The following USP34 variants were observed in gnomAD, a reference collection of about 807,000 sequenced individuals.
USP34 encodes ubiquitin carboxyl-terminal hydrolase 34.
A neutral mutation model predicts 460.3 loss-of-function variants in USP34; 70 were observed. The ratio of observed to expected loss-of-function variants is 0.15; its 90% CI spans 0.13 to 0.19. USP34 has a LOEUF of 0.19. Among genes scored for constraint, USP34 ranks in the 10% least tolerant of loss-of-function variants. The pLI, the probability that USP34 is intolerant of heterozygous loss-of-function variation, is 1.00. For missense variants in USP34, 3,985 were observed against 4,236.2 expected (o/e 0.94, Z 1.65); for synonymous variants, 1,647 against 1,405.3 (o/e 1.17, Z -3.85).
At chr2:61,194,425 GGGT>G (rs1396087689) in intron 75 of USP34, among the ~76,000 whole-genome samples, 2 of 152,204 alleles carry the variant, frequency 1.3e-5, no homozygotes, top group Non-Finnish European at 2.9e-5. Context: ...AGTAGAGGAA[GGGT>G]TAGCAAACTA....
In USP34 at chr2:61,283,446, A is replaced by C; in HGVS notation, c.4836T>G (p.Val1612=). Residue 1612 remains valine, a synonymous_variant, in exon 36 of 80, where the codon GTT becomes GTG. Transcript: ENST00000398571. The part of the protein sequence containing the change: ...AYTYDNLAPR[V]LKAQSDHRSR... ...ACCTGTGATCAGACTGAGCTTTTAA[A>C]ACTCTGTAAAGTAAAAACACCACCA... 1 of 1,605,656 alleles carries C rather than the reference A, an allele frequency of 6.2e-7. No individual in the cohort carries two copies. The highest frequency in any genetic ancestry group is 8.5e-7 in the Non-Finnish European group (1 of 1,177,078).
At chr2:61,392,399 G>A (rs996605110) in intron 5 of USP34, among the ~76,000 whole-genome samples, 8 of 152,100 alleles carry the variant, frequency 5.3e-5, no homozygotes, top group African/African-American at 1.2e-4. Context: ...CGAGGTGGGC[G>A]GATCACAGGA....
chr2:61,420,501 T>C (rs535700258), intron 2 of USP34, among the ~76,000 whole-genome samples: 1 of 152,294 alleles, frequency 6.6e-6, no homozygotes, highest in African/African-American at 2.4e-5. Flanking sequence ...CTTTTCAGAA[T>C]TTCTGTGACT....
At chr2:61,320,873 G>C (rs1160013897) in intron 21 of USP34, among the ~76,000 whole-genome samples, 2 of 152,140 alleles carry the variant, frequency 1.3e-5, no homozygotes, top group Non-Finnish European at 1.5e-5. Context: ...AGCCAGGCGT[G>C]GTGGTGGGTG....
In USP34 at chr2:61,288,702, C is replaced by T; in HGVS notation, c.4724G>A (p.Gly1575Asp). 1 of 1,613,912 alleles carries T rather than the reference C, an allele frequency of 6.2e-7. No homozygotes were observed. The change falls in exon 34 of 80, where the codon GGT becomes GAT. Residue 1575 changes from glycine (G) to aspartate (D), a missense_variant. Coordinates refer to ENST00000398571, the MANE Select transcript of USP34 (RefSeq NM_014709.4). ...SRKAAGDHAK[G>D]LHIPRLTEVF... ...CTCTGTTAATCGTGGTATATGAAGA[C>T]CCTTAGCATGATCACCAGCAGCCTT... is the stretch of plus-strand genomic sequence containing the variant.
Position 61,211,854 on chromosome 2 carries a change from C to T in USP34, c.8758G>A (p.Asp2920Asn), listed in dbSNP as rs1359419730. The T allele has an allele frequency of 1.9e-6, 3 of 1,610,532 alleles. No homozygotes were observed. The Admixed American group carries it at 5.1e-5, about 27-fold the overall frequency. ...GTTGTTTTCTTGAACTGTTTAATAT[C>T]TTCTAATTCTTCTTCTCTCATATCT... ...RPDMREEELE[D>N]IKQFKKTTIS... Residue 2920 changes from aspartate (D) to asparagine (N), a missense_variant, in exon 69 of 80, where the codon GAT becomes AAT. Asp to Asn is a conservative substitution (Grantham distance 23). This residue lies in a region of USP34 where 275 missense variants were observed against 292.7 expected (regional missense o/e 0.94). Coordinates refer to ENST00000398571, the MANE Select transcript of USP34 (RefSeq NM_014709.4).
chr2:61,349,310 GA>G, intron 12 of USP34, 25 bp from the exon 13 acceptor site: 10 of 1,611,112 alleles, frequency 6.2e-6, no homozygotes, highest in Non-Finnish European at 8.5e-6. Flanking sequence ...AAAAACAGGA[GA>G]AAAACATTCT....
chr2:61,323,364 G>C (rs1398378171), intron 21 of USP34, among the ~76,000 whole-genome samples: 1 of 151,854 alleles, frequency 6.6e-6, no homozygotes, highest in Non-Finnish European at 1.5e-5. Flanking sequence ...ACAAAAAAAA[G>C]TTAGCTGGGT....
intron 43 of USP34, among the ~76,000 whole-genome samples, chr2:61,261,055 C>T (rs908298822): frequency 2.6e-5 from 4 of 152,122 alleles, no homozygotes; most frequent in African/African-American, 9.7e-5. Flanking sequence ...GAAATTAAAC[C>T]CTTATGCATG....
intron 1 of USP34, among the ~76,000 whole-genome samples, chr2:61,455,425 G>C (rs2104080827): frequency 6.6e-6 from 1 of 151,930 alleles, no homozygotes; most frequent in Admixed American, 6.6e-5. Context: ...CAATCCACCA[G>C]CCTTGGCCTC....
At position 61,448,271 on chromosome 2, in the gene USP34, C is replaced by T. The variant is rs559144052; in HGVS notation, c.43+22379G>A. Among the ~76,000 whole-genome samples the T allele has an allele frequency of 2.0e-5, 3 of 152,286 alleles. 1 individual carries two copies. The South Asian group carries it at 6.2e-4, about 32-fold the overall frequency. On this transcript the variant is annotated intron_variant, in intron 1 of 79. Transcript: ENST00000398571. ...GGAGGACTGCTTCAGGCCAGGAGTT[C>T]AAGACCAGACTGGGCAACACAGTGA...
At chr2:61,263,566 C>T (rs1300309959) in intron 43 of USP34, among the ~76,000 whole-genome samples, 1 of 151,916 alleles carries the variant, frequency 6.6e-6, no homozygotes, top group Non-Finnish European at 1.5e-5. Flanking sequence ...ACTGCAACCT[C>T]CGCCTCCTGG....
intron 76 of USP34, among the ~76,000 whole-genome samples, chr2:61,191,739 T>C (rs1044819257): frequency 3.3e-5 from 5 of 152,038 alleles, no homozygotes; most frequent in African/African-American, 7.3e-5. Flanking sequence ...TAGGGAGCAA[T>C]AGGTAGTGGG....
chr2:61,405,074 C>A (rs1413761913), intron 3 of USP34, among the ~76,000 whole-genome samples: 1 of 151,090 alleles, frequency 6.6e-6, no homozygotes, highest in East Asian at 1.9e-4. Context: ...AAAGAAAATT[C>A]TTTTTAAACT....
At chr2:61,242,400 G>GAAGCATCAGAAAAAGGT (rs1178268185) in intron 51 of USP34, among the ~76,000 whole-genome samples, 39 of 146,992 alleles carry the variant, frequency 2.7e-4, no homozygotes, top group Admixed American at 6.9e-4. Flanking sequence ...GACAGCAAAA[G>GAAGCATCAGAAAAAGGT]AAGCATCAGA....
Position 61,443,581 on chromosome 2 carries a change from A to G in USP34, c.44-22748T>C, listed in dbSNP as rs77859512. 8.1e-3 allele frequency among the ~76,000 whole-genome samples: 1,229 copies of G among 152,298 alleles called. 17 individuals are homozygous for G. Among genetic ancestry groups the G allele is most frequent in the African/African-American group, 0.028 (1,169 of 41,570 alleles). On this transcript the variant is annotated intron_variant, in intron 1 of 79. Coordinates refer to ENST00000398571, the MANE Select transcript of USP34 (RefSeq NM_014709.4). ...ATGAAAGAAACCAATCTTAACTGGC[A>G]ACATACTGTATGATTTCAACTATGT...
intron 51 of USP34, 76 bp downstream of exon 51, chr2:61,245,134 T>C: frequency 9.5e-7 from 1 of 1,055,928 alleles, no homozygotes; most frequent in Non-Finnish European, 1.4e-6. Flanking sequence ...GTTAAGCGAC[T>C]CTGCTATTGG....
chr2:61,189,000 T>TTGGAATTAGAGC lies in USP34; in HGVS notation c.9931_9942dup (p.Ala3311_Pro3314dup). 6.2e-7 allele frequency: 1 copy of TTGGAATTAGAGC among 1,614,158 alleles called. No homozygotes were observed. Among genetic ancestry groups the TTGGAATTAGAGC allele is most frequent in the South Asian group, 1.1e-5 (1 of 91,088 alleles). On this transcript the variant is annotated inframe_insertion, in exon 79 of 80. Coordinates refer to ENST00000398571, the MANE Select transcript of USP34 (RefSeq NM_014709.4). ...CATTTGCTTAAAAGCTCTTGCAGAG[T>TTGGAATTAGAGC]TGGAATTAGAGCTGGGTTTAACTGT...
intron 2 of USP34, among the ~76,000 whole-genome samples, chr2:61,415,434 T>C (rs1694166621): frequency 6.6e-6 from 1 of 152,118 alleles, no homozygotes; most frequent in South Asian, 2.1e-4. Context: ...TGAGCAACAT[T>C]TTTATTTTTA....
Sources: allele counts gnomAD v4.1 joint callset (sites outside exome capture counted in the v4.1 genomes callset), GRCh38; gene constraint gnomAD v4.1.1; regional missense constraint gnomAD v4.1.1; transcripts MANE v1.5; gene names NCBI Gene and HGNC (gene_info 2026-07-23, HGNC 2026-07-21).